BASP1: variants seen among roughly 807,000 people sequenced by gnomAD.
BASP1 encodes the protein brain acid soluble protein 1.
BASP1 carries 1 observed loss-of-function variant against 2.2 expected under a neutral mutation model. The observed-to-expected ratio is 0.46, with a 90% CI of 0.16 to 2.17. The LOEUF is 2.17. Among genes scored for constraint, BASP1 ranks in the 30% most tolerant of loss-of-function variants. BASP1 has a pLI of 0.27. For missense variants in BASP1, 352 were observed against 327.2 expected (o/e 1.08, Z -0.58); for synonymous variants, 187 against 154.2 (o/e 1.21, Z -1.58).
chr5:17,237,236 T>G (rs1002189786), intron 1 of BASP1, among the ~76,000 whole-genome samples: 1 of 151,830 alleles, frequency 6.6e-6, no homozygotes, highest in Non-Finnish European at 1.5e-5. Flanking sequence ...CCCAGCTACT[T>G]GGGAGGCTGA....
At chr5:17,238,025 G>A (rs1057198962) in intron 1 of BASP1, among the ~76,000 whole-genome samples, 1 of 151,952 alleles carries the variant, frequency 6.6e-6, no homozygotes, top group African/African-American at 2.4e-5. Context: ...TTATTTGGGG[G>A]ATTCTTGTTC....
At chr5:17,256,638 G>A (rs575375611) in intron 1 of BASP1, among the ~76,000 whole-genome samples, 1 of 152,354 alleles carries the variant, frequency 6.6e-6, no homozygotes, top group South Asian at 2.1e-4. Flanking sequence ...TCAGCAGCTA[G>A]TTTAGTGGCT....
intron 1 of BASP1, among the ~76,000 whole-genome samples, chr5:17,218,503 C>T (rs1739315249): frequency 6.6e-6 from 1 of 152,178 alleles, no homozygotes; most frequent in African/African-American, 2.4e-5. Context: ...GAATTGCCTT[C>T]CTACGAACCC....
At chr5:17,248,670 T>C (rs1740041947) in intron 1 of BASP1, among the ~76,000 whole-genome samples, 1 of 152,180 alleles carries the variant, frequency 6.6e-6, no homozygotes, top group Non-Finnish European at 1.5e-5. Context: ...CTCTGAATGA[T>C]GTCCCCTGTA....
intron 1 of BASP1, among the ~76,000 whole-genome samples, chr5:17,218,527 G>A (rs1739315851): frequency 6.6e-6 from 1 of 152,120 alleles, no homozygotes; most frequent in Non-Finnish European, 1.5e-5. Flanking sequence ...GGCTGCCTCG[G>A]AGCAGTTTGT....
upstream of BASP1, chr5:17,217,061 AGAGAGAGAGT>A (rs1390652366): frequency 4.1e-5 from 4 of 97,380 alleles, no homozygotes; most frequent in African/African-American, 1.4e-4. Flanking sequence ...GGGGAGAGAG[AGAGAGAGAGT>A]GAGAGAGAGA....
chr5:17,254,042 C>T (rs1274443246), intron 1 of BASP1, among the ~76,000 whole-genome samples: 2 of 151,902 alleles, frequency 1.3e-5, no homozygotes, highest in Non-Finnish European at 2.9e-5. Context: ...TCCATTTGTA[C>T]TATACTTGAG....
Position 17,242,259 on chromosome 5 carries a change from G to GTA in BASP1, c.-10+24458_-10+24459dup, listed in dbSNP as rs1444013368. Among the ~76,000 whole-genome samples the GTA allele has an allele frequency of 5.3e-5, 8 of 152,218 alleles. No homozygotes were observed. In the East Asian group the frequency reaches 7.7e-4, roughly 15 times the overall value. Reference sequence around the variant, plus strand: ...AATGCAAGAAATAGTAGAAGTTTTTGTATATATATACCTGTGATGAGTGCG... The same window carrying GTA: ...AATGCAAGAAATAGTAGAAGTTTTTGTATATATATATACCTGTGATGAGTGCG... On this transcript the variant is annotated intron_variant, in intron 1 of 1. Transcript: ENST00000322611.
chr5:17,241,259 C>T (rs1419558372), intron 1 of BASP1, among the ~76,000 whole-genome samples: 1 of 151,956 alleles, frequency 6.6e-6, no homozygotes, highest in African/African-American at 2.4e-5. Context: ...ACCACCAGTC[C>T]CGGCTAATTT....
rs1177202018 is a variant in BASP1 at position 17,260,544 on chromosome 5, G to A, written c.-9-14664G>A. On this transcript the variant is annotated intron_variant, in intron 1 of 1. Transcript: ENST00000322611. This position sits in a 1 kb window ranked among gnomAD's most constrained non-coding sequence, Gnocchi z 4.2. ...CATGGATGGCGCCTGGAACTTGACC[G>A]CATTTCATTTAATGCAACGGAAATT... Among the ~76,000 whole-genome samples, 1 of 152,122 alleles carries A rather than the reference G, an allele frequency of 6.6e-6. No individual in the cohort carries two copies. The highest frequency in any genetic ancestry group is 1.9e-4 in the East Asian group (1 of 5,198).
intron 1 of BASP1, among the ~76,000 whole-genome samples, chr5:17,250,750 G>A (rs1394391976): frequency 6.6e-6 from 1 of 152,066 alleles, no homozygotes; most frequent in Non-Finnish European, 1.5e-5. Context: ...GACTACAGGT[G>A]CCCACCACCA....
At chr5:17,263,069 G>T (rs1016564994) in intron 1 of BASP1, among the ~76,000 whole-genome samples, 1 of 152,042 alleles carries the variant, frequency 6.6e-6, no homozygotes, top group Non-Finnish European at 1.5e-5. Context: ...GGATGGTCTC[G>T]ATCTCCTGAC....
At chr5:17,266,088 C>T (rs903274257) in intron 1 of BASP1, among the ~76,000 whole-genome samples, 20 of 152,286 alleles carry the variant, frequency 1.3e-4, no homozygotes, top group Non-Finnish European at 1.6e-4. Context: ...GACACTAACC[C>T]GTTGGGCTTC....
chr5:17,248,315 G>A (rs1420937359), intron 1 of BASP1, among the ~76,000 whole-genome samples: 1 of 152,190 alleles, frequency 6.6e-6, no homozygotes, highest in Non-Finnish European at 1.5e-5. Flanking sequence ...TTCATTTGAT[G>A]TGAAAACAAT....
Position 17,275,660 on chromosome 5 carries a change from C to T in BASP1, c.444C>T (p.Pro148=), listed in dbSNP as rs1225903438. 1 of 1,547,216 alleles carries T rather than the reference C, an allele frequency of 6.5e-7. No individual in the cohort carries two copies. The highest frequency in any genetic ancestry group is 2.0e-5 in the Admixed American group (1 of 49,268). Residue 148 remains proline (P), a synonymous_variant, in exon 2 of 2, where the codon CCC becomes CCT. Transcript: ENST00000322611. The surrounding 1 kb of genome is among the most constrained non-coding windows in gnomAD (Gnocchi z 5.3). ...AGCCCAGCAAGGAGGAAGGGGAACC[C>T]AAAAAGACTGAGGCGCCCGCAGCTC... The part of the protein sequence containing the change: ...GEEPSKEEGE[P]KKTEAPAAPA...
At chr5:17,259,624 G>C (rs1203681758) in intron 1 of BASP1, among the ~76,000 whole-genome samples, 1 of 152,138 alleles carries the variant, frequency 6.6e-6, no homozygotes, top group Non-Finnish European at 1.5e-5. Context: ...AAAAAAAATT[G>C]ATACATGAAA....
At chr5:17,259,933 G>C (rs368961885) in intron 1 of BASP1, among the ~76,000 whole-genome samples, 2 of 152,286 alleles carry the variant, frequency 1.3e-5, no homozygotes, top group African/African-American at 4.8e-5. Context: ...ATTAGTTGTG[G>C]TGATATGATC....
At position 17,251,752 on chromosome 5, in the gene BASP1, G is replaced by C. The variant is rs1408282190; in HGVS notation, c.-9-23456G>C. 1.3e-5 allele frequency among the ~76,000 whole-genome samples: 2 copies of C among 152,220 alleles called. No homozygotes were observed. The highest frequency in any genetic ancestry group is 2.9e-5 in the Non-Finnish European group (2 of 68,038). ...CAGAAAGACTCCCACATTTCTGGCT[G>C]GGCGATGGGGTGGATGTGGTTCTAA... On this transcript the variant is annotated intron_variant, in intron 1 of 1. Coordinates refer to ENST00000322611, the MANE Select transcript of BASP1 (RefSeq NM_006317.5). The surrounding 1 kb of genome is among the most constrained non-coding windows in gnomAD (Gnocchi z 4.0).
intron 1 of BASP1, among the ~76,000 whole-genome samples, chr5:17,237,699 C>A (rs1206513280): frequency 6.6e-6 from 1 of 151,174 alleles, no homozygotes; most frequent in Non-Finnish European, 1.5e-5. Flanking sequence ...TAACCTCCAC[C>A]TCTTGGGTTC....
Sources: allele counts gnomAD v4.1 joint callset (sites outside exome capture counted in the v4.1 genomes callset), GRCh38; gene constraint gnomAD v4.1.1; non-coding constraint Gnocchi (gnomAD v3.1); transcripts MANE v1.5; gene names NCBI Gene and HGNC (gene_info 2026-07-23, HGNC 2026-07-21).